CDS1: variants seen among roughly 807,000 people sequenced by gnomAD.
The protein encoded by CDS1 is phosphatidate cytidylyltransferase 1.
In CDS1, 41 loss-of-function variants were observed where a neutral mutation model predicts 62.1. The observed-to-expected ratio is 0.66, with a 90% CI of 0.51 to 0.86. The LOEUF is 0.86. CDS1 is among the 40% of genes least tolerant of loss of function. The probability of loss-of-function intolerance (pLI) is 0.00; values close to 1 mark genes in which losing one functional copy is unlikely to be tolerated. For missense variants in CDS1, 470 were observed against 550.1 expected (o/e 0.85, Z 1.46); for synonymous variants, 185 against 192.6 (o/e 0.96, Z 0.32).
intron 5 of CDS1, 107 bp downstream of exon 5, chr4:84,619,640 C>T: frequency 1.6e-6 from 1 of 637,904 alleles, no homozygotes; most frequent in South Asian, 3.4e-5. Context: ...TTTATTCCAG[C>T]CTCTCTTTTT....
At chr4:84,612,173 C>T (rs1256057800) in intron 3 of CDS1, among the ~76,000 whole-genome samples, 1 of 151,282 alleles carries the variant, frequency 6.6e-6, no homozygotes, top group Non-Finnish European at 1.5e-5. Context: ...GGTGCTTTTT[C>T]CTTGAGCACA....
intron 7 of CDS1, 134 bp downstream of exon 7, chr4:84,634,073 C>G: frequency 2.3e-6 from 1 of 441,560 alleles, no homozygotes; most frequent in Admixed American, 4.2e-5. Context: ...AACTATCTTA[C>G]TGAGTTTTGC....
chr4:84,603,421 G>C (rs1469667207), intron 1 of CDS1, among the ~76,000 whole-genome samples: 4 of 152,222 alleles, frequency 2.6e-5, no homozygotes, highest in Non-Finnish European at 5.9e-5. Context: ...GGGTAGGATG[G>C]AAAGGGTAGG....
chr4:84,603,847 A>G (rs1249950243), intron 1 of CDS1, among the ~76,000 whole-genome samples: 1 of 152,206 alleles, frequency 6.6e-6, no homozygotes, highest in African/African-American at 2.4e-5. Context: ...CGTGTAAGAT[A>G]TTACTCTTAC....
chr4:84,631,844 G>A lies in CDS1; in HGVS notation c.606G>A (p.Leu202=), dbSNP rs778162629. The change falls in exon 6 of 13, where the codon TTG becomes TTA. Residue 202 remains leucine (L), a synonymous_variant. Transcript: ENST00000295887. ...LAGFCMFVLS[L]VKKHYRLQFY... ...GTTTCTGCATGTTTGTACTGAGTTT[G>A]GTGAAGAAACATTATCGTCTGCAGT... The A allele has an allele frequency of 1.2e-6, 2 of 1,612,176 alleles. No homozygotes were observed. Among genetic ancestry groups the A allele is most frequent in the Middle Eastern group, 1.7e-4 (1 of 6,038 alleles).
At chr4:84,636,668 G>C (rs769499133) in intron 8 of CDS1, among the ~76,000 whole-genome samples, 3 of 152,128 alleles carry the variant, frequency 2.0e-5, no homozygotes, top group Admixed American at 1.3e-4. Context: ...GGGATTACAG[G>C]CGGCTGCCAC....
intron 12 of CDS1, among the ~76,000 whole-genome samples, chr4:84,647,823 A>G (rs575907497): frequency 2.6e-5 from 4 of 152,330 alleles, no homozygotes; most frequent in East Asian, 3.9e-4. Context: ...TCTACTTTCT[A>G]TAATTCAATG....
chr4:84,625,268 A>C (rs1723820994), intron 5 of CDS1, among the ~76,000 whole-genome samples: 1 of 152,164 alleles, frequency 6.6e-6, no homozygotes, highest in African/African-American at 2.4e-5. Context: ...AAAGTCATCA[A>C]AGTCATTCTT....
intron 3 of CDS1, among the ~76,000 whole-genome samples, chr4:84,616,894 T>C (rs1723513938): frequency 6.6e-6 from 1 of 152,222 alleles, no homozygotes. Flanking sequence ...ATCAGGACAC[T>C]GTGTAAACAG....
chr4:84,596,490 T>C (rs1578018730), intron 1 of CDS1, among the ~76,000 whole-genome samples: 1 of 152,198 alleles, frequency 6.6e-6, no homozygotes, highest in Non-Finnish European at 1.5e-5. Context: ...CCAGCATCAC[T>C]ATACCTCTGC....
intron 8 of CDS1, among the ~76,000 whole-genome samples, chr4:84,635,625 GCCTTCCTTCCTTCCTTCCTT>G (rs869210567): frequency 1.3e-4 from 7 of 53,534 alleles, no homozygotes; most frequent in Admixed American, 4.1e-4. Context: ...CTGCCTGCCT[GCCTTCCTTCCTTCCTTCCTT>G]CCTTCCTTCC....
intron 1 of CDS1, among the ~76,000 whole-genome samples, chr4:84,601,015 C>A (rs1314941077): frequency 2.0e-5 from 3 of 150,472 alleles, no homozygotes; most frequent in African/African-American, 4.9e-5. Context: ...TGAAAAATGC[C>A]AAAAAAAATT....
chr4:84,648,266 C>G (rs1474794517), intron 12 of CDS1, among the ~76,000 whole-genome samples: 1 of 152,162 alleles, frequency 6.6e-6, no homozygotes, highest in African/African-American at 2.4e-5. Flanking sequence ...TTTATCCCCA[C>G]CTTTAACTTT....
At chr4:84,615,621 G>A (rs903833062) in intron 3 of CDS1, among the ~76,000 whole-genome samples, 4 of 151,808 alleles carry the variant, frequency 2.6e-5, no homozygotes, top group South Asian at 2.1e-4. Flanking sequence ...CTCTACACAC[G>A]TCCATTTGCC....
chr4:84,607,247 T>C (rs988886572), intron 2 of CDS1, among the ~76,000 whole-genome samples: 3 of 152,134 alleles, frequency 2.0e-5, no homozygotes, highest in Non-Finnish European at 4.4e-5. Context: ...TGGAAGTATT[T>C]AAACTATATT....
chr4:84,585,802 C>G (rs1420185275), intron 1 of CDS1, among the ~76,000 whole-genome samples: 1 of 152,116 alleles, frequency 6.6e-6, no homozygotes. Flanking sequence ...GAGGAATGTT[C>G]CCAAGTGTTA....
At chr4:84,619,044 TACACACACACACACACAC>T (rs33991933) in intron 4 of CDS1, among the ~76,000 whole-genome samples, 16 of 140,896 alleles carry the variant, frequency 1.1e-4, no homozygotes, top group East Asian at 4.3e-4. Flanking sequence ...ATTAAATTTA[TACACACACACACACACAC>T]ACACACACAC....
intron 3 of CDS1, among the ~76,000 whole-genome samples, chr4:84,609,771 T>C (rs1285091976): frequency 6.6e-6 from 1 of 152,208 alleles, no homozygotes; most frequent in African/African-American, 2.4e-5. Flanking sequence ...TATCTATGTG[T>C]CTGACATTGT....
intron 9 of CDS1, among the ~76,000 whole-genome samples, chr4:84,640,275 G>A (rs1724339360): frequency 6.6e-6 from 1 of 151,058 alleles, no homozygotes; most frequent in Non-Finnish European, 1.5e-5. Context: ...AGAATAATAG[G>A]GTGAATGGCT....
Sources: gnomAD v4.1 joint callset for allele counts (sites outside exome capture counted in the v4.1 genomes callset) on GRCh38, gnomAD v4.1.1 for gene constraint, MANE v1.5 for transcripts, NCBI Gene and HGNC (gene_info 2026-07-23, HGNC 2026-07-21) for gene names.